The following KAZN variants were observed in gnomAD, a reference collection of about 807,000 sequenced individuals.
KAZN encodes kazrin.
In KAZN, 40 loss-of-function variants were observed where a neutral mutation model predicts 87.4. That is an observed-to-expected ratio of 0.46 (90% CI 0.36 to 0.60). The LOEUF (loss-of-function observed/expected upper bound fraction) is 0.60. Ranked by LOEUF, KAZN falls within the 20% of genes least tolerant of loss-of-function variation. KAZN has a pLI of 0.00. For missense variants in KAZN, 898 were observed against 1,073.9 expected (o/e 0.84, Z 2.29); for synonymous variants, 466 against 458.3 (o/e 1.02, Z -0.22).
chr1:14,571,017 T>G (rs140338820), intron 2 of KAZN, among the ~76,000 whole-genome samples: 127 of 152,298 alleles, frequency 8.3e-4, no homozygotes, highest in African/African-American at 2.9e-3. Flanking sequence ...TTCTTGACAA[T>G]TTTTTATATA....
chr1:14,377,756 C>T (rs6688939), intron 2 of KAZN, among the ~76,000 whole-genome samples: 1 of 152,174 alleles, frequency 6.6e-6, no homozygotes. Context: ...TAGTGATGAC[C>T]TACCTTGTTT....
At chr1:14,473,307 G>A (rs985450253) in intron 2 of KAZN, among the ~76,000 whole-genome samples, 4 of 152,110 alleles carry the variant, frequency 2.6e-5, no homozygotes, top group African/African-American at 9.7e-5. Flanking sequence ...AGCTTATATT[G>A]TTATTTGCTA....
At chr1:13,998,153 C>A (rs1639613927) in intron 1 of KAZN, among the ~76,000 whole-genome samples, 1 of 152,142 alleles carries the variant, frequency 6.6e-6, no homozygotes, top group Admixed American at 6.5e-5. Flanking sequence ...AAATAAAATC[C>A]TTTCCAGAGA....
At chr1:14,044,969 T>G (rs1642002085) in intron 1 of KAZN, among the ~76,000 whole-genome samples, 1 of 152,180 alleles carries the variant, frequency 6.6e-6, no homozygotes, top group South Asian at 2.1e-4. Flanking sequence ...AAACGCCATC[T>G]ACCCCAAGAC....
intron 2 of KAZN, among the ~76,000 whole-genome samples, chr1:14,223,341 T>G (rs748966634): frequency 1.3e-5 from 2 of 152,362 alleles, no homozygotes; most frequent in East Asian, 1.9e-4. Context: ...GTAGGCTTTT[T>G]CCTGGCACAG....
At chr1:14,493,477 G>T (rs1402767490) in intron 2 of KAZN, among the ~76,000 whole-genome samples, 1 of 151,418 alleles carries the variant, frequency 6.6e-6, no homozygotes, top group East Asian at 2.0e-4. Flanking sequence ...ACCTCCTTGG[G>T]GAGGAAGATG....
At chr1:14,665,968 G>T (rs902950219) in intron 1 of KAZN, among the ~76,000 whole-genome samples, 6 of 148,170 alleles carry the variant, frequency 4.0e-5, no homozygotes, top group Non-Finnish European at 5.9e-5. Flanking sequence ...ATACAGAAAG[G>T]TCAGGAGATG....
intron 2 of KAZN, among the ~76,000 whole-genome samples, chr1:15,001,068 G>A (rs1302215662): frequency 1.3e-5 from 2 of 152,012 alleles, no homozygotes; most frequent in African/African-American, 2.4e-5. Flanking sequence ...GTGCCACTGC[G>A]CTCCAGCCTG....
intron 1 of KAZN, among the ~76,000 whole-genome samples, chr1:14,633,884 C>CTATA (rs1242029277): frequency 3.2e-4 from 48 of 149,918 alleles, no homozygotes; most frequent in African/African-American, 1.1e-3. Flanking sequence ...CTCTCTCTCT[C>CTATA]TATATATATA....
At chr1:14,788,039 C>T (rs1645561651) in intron 1 of KAZN, among the ~76,000 whole-genome samples, 1 of 152,118 alleles carries the variant, frequency 6.6e-6, no homozygotes, top group African/African-American at 2.4e-5. Context: ...TGTGGGGACC[C>T]AGCACAAAAG....
At chr1:14,635,547 A>G (rs1572100094) in intron 1 of KAZN, among the ~76,000 whole-genome samples, 1 of 152,230 alleles carries the variant, frequency 6.6e-6, no homozygotes, top group African/African-American at 2.4e-5. Flanking sequence ...TACTAACGCG[A>G]TTACGATGAC....
chr1:13,897,198 CAG>C (rs1244193195), intron 1 of KAZN, among the ~76,000 whole-genome samples: 1 of 152,042 alleles, frequency 6.6e-6, no homozygotes, highest in Non-Finnish European at 1.5e-5. Context: ...GCTACAGTGG[CAG>C]AGTCAAGTAG....
chr1:14,145,074 G>T (rs1202993988), intron 1 of KAZN, among the ~76,000 whole-genome samples: 1 of 152,066 alleles, frequency 6.6e-6, no homozygotes, highest in Non-Finnish European at 1.5e-5. Context: ...GCTCTTCTAG[G>T]ATAAGGTTCT....
intron 1 of KAZN, among the ~76,000 whole-genome samples, chr1:14,959,323 C>A (rs927846114): frequency 6.6e-6 from 1 of 152,178 alleles, no homozygotes; most frequent in Admixed American, 6.5e-5. Context: ...CAGGAAGAAC[C>A]AGGAAAGGGT....
intron 1 of KAZN, among the ~76,000 whole-genome samples, chr1:13,928,152 A>G (rs573779089): frequency 1.8e-4 from 27 of 152,264 alleles, no homozygotes; most frequent in Non-Finnish European, 3.4e-4. Flanking sequence ...GGAGAAGATC[A>G]GGTTCCTGTA....
At chr1:14,467,064 A>G (rs1264228823) in intron 2 of KAZN, among the ~76,000 whole-genome samples, 7 of 152,326 alleles carry the variant, frequency 4.6e-5, no homozygotes, top group South Asian at 2.1e-4. Context: ...GTATAAATAT[A>G]TTTTTGTAAT....
At chr1:13,894,734 C>G (rs544883127) in intron 1 of KAZN, among the ~76,000 whole-genome samples, 10 of 152,288 alleles carry the variant, frequency 6.6e-5, no homozygotes, top group East Asian at 5.8e-4. Flanking sequence ...ACTGCACCCC[C>G]CTTCCTGGGG....
intron 1 of KAZN, among the ~76,000 whole-genome samples, chr1:14,688,635 A>G (rs762015125): frequency 3.3e-5 from 5 of 152,236 alleles, no homozygotes; most frequent in Non-Finnish European, 5.9e-5. Context: ...GGATTCTTTA[A>G]TTCTGTTTCT....
At chr1:13,896,065 C>T (rs1639031456) in intron 1 of KAZN, among the ~76,000 whole-genome samples, 1 of 151,840 alleles carries the variant, frequency 6.6e-6, no homozygotes, top group Non-Finnish European at 1.5e-5. Flanking sequence ...GATCATAGCT[C>T]ACTGCAACCT....
Sources: allele counts gnomAD v4.1 joint callset (sites outside exome capture counted in the v4.1 genomes callset), GRCh38; gene constraint gnomAD v4.1.1; transcripts MANE v1.5; gene names NCBI Gene and HGNC (gene_info 2026-07-23, HGNC 2026-07-21).